The following CHRM3 variants were observed in gnomAD, a reference collection of about 807,000 sequenced individuals.
CHRM3 encodes cholinergic receptor muscarinic 3, also known as muscarinic acetylcholine receptor M3.
Under a neutral mutation model 41.8 loss-of-function variants are expected in CHRM3, and 11 were observed. The ratio of observed to expected loss-of-function variants is 0.26; its 90% CI spans 0.17 to 0.44. The LOEUF (loss-of-function observed/expected upper bound fraction) is 0.44. Among genes scored for constraint, CHRM3 ranks in the 20% least tolerant of loss-of-function variants. CHRM3 has a pLI of 1.00. For missense variants in CHRM3, 571 were observed against 745.4 expected, an observed-to-expected ratio of 0.77 and a Z score of 2.72; for synonymous variants, 297 against 301.4, an observed-to-expected ratio of 0.99 and a Z score of 0.15.
At chr1:239,577,035 C>A (rs1662434019) in intron 3 of CHRM3, among the ~76,000 whole-genome samples, 1 of 152,062 alleles carries the variant, frequency 6.6e-6, no homozygotes, top group African/African-American at 2.4e-5. Context: ...TTTTCTAGAC[C>A]ATTTGAAGTC....
At position 239,420,220 on chromosome 1, in the gene CHRM3, C is replaced by T. The variant is rs550796840; in HGVS notation, c.-521+32993C>T. On this transcript the variant is annotated intron_variant, in intron 1 of 6. Transcript: ENST00000676153. ...CTCTCTTTACTTACTTCTGTCTTCA[C>T]ACTCACCTGCTTTATTGTACTCAAC... Among the ~76,000 whole-genome samples the T allele has an allele frequency of 2.6e-5, 4 of 152,328 alleles. No individual in the cohort carries two copies. The South Asian group carries it at 6.2e-4, about 24-fold the overall frequency.
chr1:239,847,492 A>C (rs1674361348), intron 6 of CHRM3, among the ~76,000 whole-genome samples: 1 of 152,214 alleles, frequency 6.6e-6, no homozygotes, highest in African/African-American at 2.4e-5. Context: ...TTAAAGCCAT[A>C]ATTTAAAAAA....
chr1:239,699,986 C>A (rs1403552021), intron 5 of CHRM3, among the ~76,000 whole-genome samples: 1 of 152,008 alleles, frequency 6.6e-6, no homozygotes, highest in African/African-American at 2.4e-5. Flanking sequence ...AATTTTCATT[C>A]TATTCAGCAG....
intron 4 of CHRM3, among the ~76,000 whole-genome samples, chr1:239,662,104 GATGTGTGT>G (rs1673253219): frequency 9.2e-6 from 1 of 108,888 alleles, no homozygotes; most frequent in Non-Finnish European, 1.9e-5. Context: ...TTCAGTTTTA[GATGTGTGT>G]GTGTGTGTGT....
intron 5 of CHRM3, among the ~76,000 whole-genome samples, chr1:239,729,270 C>A (rs1469463390): frequency 6.6e-6 from 1 of 151,612 alleles, no homozygotes; most frequent in African/African-American, 2.4e-5. Flanking sequence ...TTTTAATATT[C>A]TGTGTGCACA....
At chr1:239,709,754 G>A (rs891599826) in intron 5 of CHRM3, among the ~76,000 whole-genome samples, 2 of 152,120 alleles carry the variant, frequency 1.3e-5, no homozygotes, top group Admixed American at 6.5e-5. Flanking sequence ...AAGTTGGGAC[G>A]TTCCACTTAA....
chr1:239,444,431 A>G (rs996470510), intron 1 of CHRM3, among the ~76,000 whole-genome samples: 1 of 152,220 alleles, frequency 6.6e-6, no homozygotes, highest in Non-Finnish European at 1.5e-5. Flanking sequence ...GGAGGAGTAT[A>G]TACAATACTA....
chr1:239,852,850 C>T (rs1674806646), intron 6 of CHRM3, among the ~76,000 whole-genome samples: 1 of 152,098 alleles, frequency 6.6e-6, no homozygotes, highest in East Asian at 1.9e-4. Flanking sequence ...ATGGGAAATT[C>T]ATCTGTCATT....
chr1:239,704,677 G>A (rs780089212), intron 5 of CHRM3: 1 of 152,154 alleles, frequency 6.6e-6, no homozygotes, highest in Non-Finnish European at 1.5e-5. Flanking sequence ...CCCAAGGGAC[G>A]AGGCTTATTT....
chr1:239,720,912 G>T (rs1396825695), intron 5 of CHRM3, among the ~76,000 whole-genome samples: 1 of 151,876 alleles, frequency 6.6e-6, no homozygotes, highest in African/African-American at 2.4e-5. Context: ...ATTTTGTTGA[G>T]AGGCAAGATG....
At chr1:239,814,603 C>A (rs2149003834) in intron 5 of CHRM3, among the ~76,000 whole-genome samples, 1 of 152,108 alleles carries the variant, frequency 6.6e-6, no homozygotes, top group South Asian at 2.1e-4. Flanking sequence ...TTAAGTCTTC[C>A]CTGAGTTGAG....
At chr1:239,714,363 A>G (rs1302299537) in intron 5 of CHRM3, 1 of 152,206 alleles carries the variant, frequency 6.6e-6, no homozygotes, top group East Asian at 1.9e-4. Context: ...GTGGCAGTGG[A>G]GAGTGCTCTG....
At chr1:239,770,954 G>C (rs896501797) in intron 5 of CHRM3, among the ~76,000 whole-genome samples, 6 of 152,032 alleles carry the variant, frequency 3.9e-5, no homozygotes, top group Admixed American at 6.6e-5. Context: ...TGGGCCTGGT[G>C]GTGGGTGCCT....
chr1:239,702,886 A>T (rs1452393155), intron 5 of CHRM3, among the ~76,000 whole-genome samples: 1 of 152,244 alleles, frequency 6.6e-6, no homozygotes, highest in Non-Finnish European at 1.5e-5. Context: ...GTCCTGATTC[A>T]TAGTATATTT....
At chr1:239,583,211 C>T (rs1265334604) in intron 3 of CHRM3, among the ~76,000 whole-genome samples, 1 of 152,132 alleles carries the variant, frequency 6.6e-6, no homozygotes, top group African/African-American at 2.4e-5. Context: ...TACGGGAAGG[C>T]AGTATGTTAA....
At chr1:239,467,310 C>CT (rs941354609) in intron 1 of CHRM3, among the ~76,000 whole-genome samples, 68 of 151,264 alleles carry the variant, frequency 4.5e-4, no homozygotes, top group Non-Finnish European at 7.4e-4. Context: ...GCCTCTAGTT[C>CT]TTTTTTTTTG....
chr1:239,584,112 T>C (rs866357255), intron 3 of CHRM3, among the ~76,000 whole-genome samples: 159 of 148,952 alleles, frequency 1.1e-3, no homozygotes, highest in Non-Finnish European at 1.7e-3. Context: ...CTTCTTCTTT[T>C]TTTTTTTTTT....
At chr1:239,813,375 A>C (rs1193221279) in intron 5 of CHRM3, among the ~76,000 whole-genome samples, 1 of 152,230 alleles carries the variant, frequency 6.6e-6, no homozygotes, top group Non-Finnish European at 1.5e-5. Context: ...TCTAAGAAAT[A>C]AAACTTAAAG....
intron 4 of CHRM3, among the ~76,000 whole-genome samples, chr1:239,640,977 A>C (rs1417478293): frequency 6.6e-6 from 1 of 150,644 alleles, no homozygotes; most frequent in African/African-American, 2.4e-5. Context: ...CTTTGTTCTC[A>C]TTGGTTTCAA....
Sources: gnomAD v4.1 joint callset for allele counts (sites outside exome capture counted in the v4.1 genomes callset) on GRCh38, gnomAD v4.1.1 for gene constraint, MANE v1.5 for transcripts, NCBI Gene and HGNC (gene_info 2026-07-23, HGNC 2026-07-21) for gene names.